Variants in CYSLTR1 observed in about 807,000 individuals in gnomAD.
CYSLTR1 encodes the protein G-protein coupled receptor HG55.
In CYSLTR1, 1 loss-of-function variant was observed where a neutral mutation model predicts 2.1. That is an observed-to-expected ratio of 0.48 (90% CI 0.17 to 2.28). CYSLTR1 has a LOEUF of 2.28. CYSLTR1 is among the 30% of genes most tolerant of loss of function. CYSLTR1 has a pLI of 0.26. For missense variants in CYSLTR1, 299 were observed against 250.1 expected (o/e 1.20, Z -1.32); for synonymous variants, 110 against 89.6 (o/e 1.23, Z -1.28).
At chrX:78,275,423 T>C (rs963715572) in intron 2 of CYSLTR1, among the ~76,000 whole-genome samples, 1 of 111,513 alleles carries the variant, frequency 9.0e-6, no homozygotes, top group African/African-American at 3.3e-5. Context: ...GTTCATGTCC[T>C]TTGTAGGGAC....
intron 1 of CYSLTR1, among the ~76,000 whole-genome samples, chrX:78,326,185 T>A (rs1193032091): frequency 8.9e-6 from 1 of 111,761 alleles, no homozygotes; most frequent in Admixed American, 9.5e-5. Flanking sequence ...TAAAAACAGA[T>A]AGCTTTTAGT....
intron 1 of CYSLTR1, among the ~76,000 whole-genome samples, chrX:78,288,293 A>G (rs746090258): frequency 5.4e-5 from 6 of 111,869 alleles, no homozygotes; most frequent in African/African-American, 1.3e-4. Context: ...ATTATATACT[A>G]TCGTGCTAAG....
chrX:78,319,392 G>T (rs1281298321), intron 1 of CYSLTR1: 1 of 108,122 alleles, frequency 9.2e-6, no homozygotes, highest in Non-Finnish European at 1.9e-5. Flanking sequence ...GCGTTAGTTT[G>T]CTGAGAATGA....
At chrX:78,300,186 G>C (rs771662147) in intron 1 of CYSLTR1, among the ~76,000 whole-genome samples, 1 of 111,968 alleles carries the variant, frequency 8.9e-6, no homozygotes, top group Non-Finnish European at 1.9e-5. Context: ...ATAGAATTCT[G>C]AATTTCTTCT....
intron 1 of CYSLTR1, among the ~76,000 whole-genome samples, chrX:78,299,486 A>G (rs1426421673): frequency 1.8e-5 from 2 of 110,263 alleles, no homozygotes; most frequent in Non-Finnish European, 3.8e-5. Context: ...TGATAATAAA[A>G]TTTCTCAGTT....
intron 1 of CYSLTR1, among the ~76,000 whole-genome samples, chrX:78,312,453 C>T (rs1923251820): frequency 9.0e-6 from 1 of 111,473 alleles, no homozygotes; most frequent in Non-Finnish European, 1.9e-5. Flanking sequence ...TCAATTCCAA[C>T]AAAAACAAAA....
Position 78,273,770 on chromosome X carries a change from G to C in CYSLTR1, c.-24C>G, listed in dbSNP as rs1443028443. 5 of 1,157,230 alleles carry C rather than the reference G, an allele frequency of 4.3e-6. No homozygotes were observed. In the Admixed American group the frequency reaches 1.1e-4, roughly 25 times the overall value. On this transcript the variant is annotated 5_prime_UTR_variant, in exon 3 of 3. Coordinates refer to ENST00000373304, the MANE Select transcript of CYSLTR1 (RefSeq NM_006639.4). ...ATGTTTCTCTACGAATGTCTGCTTT[G>C]TGCCTATAATAAATAAAAAAAATTG...
chrX:78,326,525 T>A (rs1444048594), intron 1 of CYSLTR1, among the ~76,000 whole-genome samples: 1 of 112,062 alleles, frequency 8.9e-6, no homozygotes, highest in Admixed American at 9.5e-5. Context: ...CAAACCCATT[T>A]GTTTCCTCTT....
At chrX:78,284,328 CT>C (rs1921963468) in intron 1 of CYSLTR1, among the ~76,000 whole-genome samples, 1 of 111,936 alleles carries the variant, frequency 8.9e-6, no homozygotes, top group East Asian at 2.8e-4. Context: ...GCTACTATTC[CT>C]TTATCTGTGG....
At chrX:78,284,102 C>T (rs1039554969) in intron 1 of CYSLTR1, among the ~76,000 whole-genome samples, 1 of 112,042 alleles carries the variant, frequency 8.9e-6, no homozygotes, top group Non-Finnish European at 1.9e-5. Context: ...ATATTATATA[C>T]TTTTGGAGAT....
intron 1 of CYSLTR1, among the ~76,000 whole-genome samples, chrX:78,301,437 C>A (rs762153820): frequency 8.9e-6 from 1 of 111,885 alleles, no homozygotes; most frequent in South Asian, 3.7e-4. Context: ...CTGTCAGATA[C>A]CCTAAATTAT....
rs1921507415 is a variant in CYSLTR1, at chrX:78,274,909, G to C, written c.-27-1136C>G. 3.6e-5 allele frequency among the ~76,000 whole-genome samples: 4 copies of C among 111,791 alleles called. No individual in the cohort carries two copies. The Admixed American group carries it at 3.8e-4, about 11-fold the overall frequency. On this transcript the variant is annotated intron_variant, in intron 2 of 2. Coordinates refer to ENST00000373304, the MANE Select transcript of CYSLTR1 (RefSeq NM_006639.4). The stretch of plus-strand genomic sequence containing the variant: ...AAAAAACAAACAACCCCATCAAAAA[G>C]TGGGCAAAGGATATGAACAGACAGT...
At chrX:78,324,437 G>T (rs1461997799) in intron 1 of CYSLTR1, among the ~76,000 whole-genome samples, 1 of 111,676 alleles carries the variant, frequency 9.0e-6, no homozygotes, top group Non-Finnish European at 1.9e-5. Flanking sequence ...GCGCGATCTC[G>T]GCTCACTGCG....
intron 1 of CYSLTR1, among the ~76,000 whole-genome samples, chrX:78,284,583 T>G (rs1921975185): frequency 9.2e-6 from 1 of 108,675 alleles, no homozygotes; most frequent in Non-Finnish European, 1.9e-5. Flanking sequence ...GTATTTTTAG[T>G]AGAGATGAGG....
chrX:78,278,267 G>A (rs1011567936), intron 2 of CYSLTR1, among the ~76,000 whole-genome samples: 1 of 111,500 alleles, frequency 9.0e-6, no homozygotes, highest in Non-Finnish European at 1.9e-5. Flanking sequence ...AGAAATATGG[G>A]ATTATGTAAA....
intron 1 of CYSLTR1, among the ~76,000 whole-genome samples, chrX:78,318,082 A>T (rs1923494465): frequency 8.9e-6 from 1 of 112,619 alleles, no homozygotes; most frequent in South Asian, 3.6e-4. Context: ...GGACACATGC[A>T]TGTGTATGTT....
intron 1 of CYSLTR1, among the ~76,000 whole-genome samples, chrX:78,288,214 A>T (rs920303215): frequency 7.2e-5 from 8 of 110,455 alleles, no homozygotes; most frequent in South Asian, 3.9e-4. Context: ...TGAAAAAAAA[A>T]ATAAGGTGCC....
intron 1 of CYSLTR1, among the ~76,000 whole-genome samples, chrX:78,308,385 C>A (rs1280707431): frequency 9.0e-6 from 1 of 111,594 alleles, no homozygotes; most frequent in Non-Finnish European, 1.9e-5. Flanking sequence ...TCTTGTTTAC[C>A]TAAGCCTTAA....
intron 1 of CYSLTR1, among the ~76,000 whole-genome samples, chrX:78,298,942 C>T (rs1395423149): frequency 9.0e-6 from 1 of 110,576 alleles, no homozygotes; most frequent in Non-Finnish European, 1.9e-5. Context: ...GTTTTATATT[C>T]TTCTCTTCCT....
Sources: gnomAD v4.1 joint callset for allele counts (sites outside exome capture counted in the v4.1 genomes callset) on GRCh38, gnomAD v4.1.1 for gene constraint, MANE v1.5 for transcripts, NCBI Gene and HGNC (gene_info 2026-07-23, HGNC 2026-07-21) for gene names.